EIF2AK3: variants seen among roughly 807,000 people sequenced by gnomAD.
EIF2AK3 encodes the protein eukaryotic translation initiation factor 2-alpha kinase 3.
Under a neutral mutation model 113.5 loss-of-function variants are expected in EIF2AK3, and 50 were observed. The observed-to-expected ratio is 0.44, with a 90% CI of 0.35 to 0.56. EIF2AK3 has a LOEUF of 0.56. Among genes scored for constraint, EIF2AK3 ranks in the 20% least tolerant of loss-of-function variants. EIF2AK3 has a pLI of 0.00. For missense variants in EIF2AK3, 1,185 were observed against 1,378.0 expected (o/e 0.86, Z 2.22); for synonymous variants, 448 against 495.4 (o/e 0.90, Z 1.27).
chr2:88,590,630 TTAAA>T, intron 5 of EIF2AK3, 25 bp from the exon 6 acceptor site: 1 of 1,610,276 alleles, frequency 6.2e-7, no homozygotes, highest in Non-Finnish European at 8.5e-7. Flanking sequence ...AAAAAAGGTC[TTAAA>T]TAATTCAAGC....
chr2:88,620,327 CTT>C (rs1005349329), intron 1 of EIF2AK3, among the ~76,000 whole-genome samples: 10 of 152,154 alleles, frequency 6.6e-5, no homozygotes, highest in African/African-American at 1.2e-4. Flanking sequence ...CAAAAGTTCT[CTT>C]GTCTATATTT....
chr2:88,625,154 T>C (rs1675827101), intron 1 of EIF2AK3, among the ~76,000 whole-genome samples: 1 of 152,178 alleles, frequency 6.6e-6, no homozygotes, highest in Non-Finnish European at 1.5e-5. Flanking sequence ...AGTTTTAACA[T>C]ACTCCCAAGT....
intron 13 of EIF2AK3, among the ~76,000 whole-genome samples, chr2:88,572,051 T>G (rs1475077031): frequency 2.6e-5 from 4 of 152,216 alleles, no homozygotes; most frequent in African/African-American, 7.2e-5. Flanking sequence ...TTTCATCATG[T>G]TTCAAATACT....
chr2:88,572,396 T>C (rs1674335642), intron 13 of EIF2AK3, among the ~76,000 whole-genome samples: 1 of 152,210 alleles, frequency 6.6e-6, no homozygotes, highest in African/African-American at 2.4e-5. Context: ...CCACGGTTAG[T>C]GTGGAAGGCA....
intron 6 of EIF2AK3, 24 bp from the exon 7 acceptor site, chr2:88,588,925 A>G (rs772296999): frequency 1.9e-6 from 3 of 1,611,152 alleles, no homozygotes; most frequent in East Asian, 2.2e-5. Context: ...AACATTGTCA[A>G]TTATGCATTG....
rs1675880900 is a variant in EIF2AK3, at chr2:88,627,004, C to T, written c.271G>A (p.Glu91Lys). The T allele has an allele frequency of 6.2e-7, 1 of 1,608,794 alleles. No homozygotes were observed. Among genetic ancestry groups the T allele is most frequent in the Non-Finnish European group, 8.5e-7 (1 of 1,178,988 alleles). Residue 91 changes from glutamate (E) to lysine (K), a missense_variant, in exon 1 of 17, where the codon GAA becomes AAA. By Grantham distance (56) the Glu-to-Lys change is moderately conservative. This residue lies in a region of EIF2AK3 where 189 missense variants were observed against 175.2 expected (regional missense o/e 1.08). Coordinates refer to ENST00000303236, the MANE Select transcript of EIF2AK3 (RefSeq NM_004836.7). ...CGCAACTCTGTCTCATCGTCTGGTT[C>T]CGGACCCCGAGGCTCCTGCTCTCCC... ...AAGEQEPRGP[E>K]PDDETELRPR...
chr2:88,583,829 T>C (rs540621649), intron 9 of EIF2AK3, among the ~76,000 whole-genome samples: 2 of 152,270 alleles, frequency 1.3e-5, no homozygotes, highest in Admixed American at 1.3e-4. Flanking sequence ...TGCACACATG[T>C]AAGCATAAAC....
At chr2:88,582,132 A>G (rs1423075230) in intron 10 of EIF2AK3, among the ~76,000 whole-genome samples, 1 of 152,122 alleles carries the variant, frequency 6.6e-6, no homozygotes, top group Non-Finnish European at 1.5e-5. Context: ...TGTCTAAGGG[A>G]GAGGAACACT....
At position 88,575,385 on chromosome 2, in the gene EIF2AK3, T is replaced by C. The variant is rs756493851; in HGVS notation, c.2098A>G (p.Met700Val). 1.2e-6 allele frequency: 2 copies of C among 1,613,548 alleles called. No homozygotes were observed. Among genetic ancestry groups the C allele is most frequent in the African/African-American group, 1.3e-5 (1 of 75,054 alleles). Residue 700 changes from methionine (M) to valine (V), a missense_variant, in exon 13 of 17, where the codon ATG (methionine) becomes GTG (valine). By Grantham distance (21) the Met-to-Val change is conservative. Transcript: ENST00000303236. ...MDAPSVKIRRMDPFATKEHIE... is the reference protein window; with the variant it reads ...MDAPSVKIRRVDPFATKEHIE... The stretch of plus-strand genomic sequence containing the variant: ...TGTTCTTTTGTAGCGAAAGGATCCA[T>C]TCTGCGTATTTTAACTGATGGTGCA...
At chr2:88,577,456 G>C (rs1299491631) in intron 11 of EIF2AK3, among the ~76,000 whole-genome samples, 1 of 150,482 alleles carries the variant, frequency 6.6e-6, no homozygotes, top group Non-Finnish European at 1.5e-5. Flanking sequence ...GGTGCTACAA[G>C]CTATCTTTTT....
At chr2:88,611,343 G>GC (rs1415594551) in intron 2 of EIF2AK3, among the ~76,000 whole-genome samples, 1 of 152,176 alleles carries the variant, frequency 6.6e-6, no homozygotes, top group Admixed American at 6.5e-5. Flanking sequence ...CACTGTGTAA[G>GC]CAGCATCGAG....
chr2:88,589,988 A>G (rs6713548), intron 6 of EIF2AK3, among the ~76,000 whole-genome samples: 21,326 of 152,192 alleles, frequency 0.14, 2,477 homozygotes, highest in African/African-American at 0.32. Flanking sequence ...CTGTAATCCC[A>G]GCACTTTGGG....
chr2:88,576,493 T>C, intron 12 of EIF2AK3, 61 bp downstream of exon 12: 3 of 1,605,926 alleles, frequency 1.9e-6, no homozygotes, highest in Non-Finnish European at 2.6e-6. Context: ...GTTATAAAAC[T>C]GACATTGTAA....
At chr2:88,593,509 A>C in intron 3 of EIF2AK3, 104 bp from the exon 4 acceptor site, 2 of 1,378,638 alleles carry the variant, frequency 1.5e-6, no homozygotes, top group Non-Finnish European at 2.0e-6. Context: ...AAGGAAACTA[A>C]GGAAATGTGT....
chr2:88,607,501 ACT>A (rs977121086), intron 2 of EIF2AK3, among the ~76,000 whole-genome samples: 3 of 152,138 alleles, frequency 2.0e-5, no homozygotes, highest in African/African-American at 7.2e-5. Context: ...ATGTATCCAC[ACT>A]CTTTTCAGGA....
chr2:88,617,794 C>T (rs1675624185), intron 1 of EIF2AK3, among the ~76,000 whole-genome samples: 2 of 151,854 alleles, frequency 1.3e-5, no homozygotes, highest in Admixed American at 1.3e-4. Flanking sequence ...GTACTATGCT[C>T]ACTACCTGGG....
At position 88,583,429 on chromosome 2, in the gene EIF2AK3, C is replaced by A. The variant is rs1674644035; in HGVS notation, c.1763+1G>T. 1.2e-6 allele frequency: 2 copies of A among 1,603,418 alleles called. No individual in the cohort carries two copies. Among genetic ancestry groups the A allele is most frequent in the Non-Finnish European group, 1.7e-6 (2 of 1,171,022 alleles). On this transcript the variant is annotated splice_donor_variant, in intron 10 of 16. Transcript: ENST00000303236. LOFTEE classifies it high-confidence loss of function. Reference sequence around the variant, plus strand: ...ATGGTTGTATTTTATAAGACTCTTACCGTGATATATATCCAGAGTTTTTTA... The same window carrying A: ...ATGGTTGTATTTTATAAGACTCTTAACGTGATATATATCCAGAGTTTTTTA...
chr2:88,557,457 C>G lies in EIF2AK3; in HGVS notation c.*279G>C, dbSNP rs1673809614. 2.1e-6 allele frequency: 1 copy of G among 479,318 alleles called. No homozygotes were observed. Among genetic ancestry groups the G allele is most frequent in the East Asian group, 4.1e-5 (1 of 24,340 alleles). 29.7% of individuals were successfully genotyped at this position (479,318 alleles called of 1,614,324 possible). On this transcript the variant is annotated 3_prime_UTR_variant, in exon 17 of 17. Coordinates refer to ENST00000303236, the MANE Select transcript of EIF2AK3 (RefSeq NM_004836.7). ...ATATATTAGGGATTGCTGCTACCTC[C>G]TTAGGCAAATGGTGAGGGCTATAAA... is the stretch of plus-strand genomic sequence containing the variant.
intron 2 of EIF2AK3, among the ~76,000 whole-genome samples, chr2:88,603,230 ACACTT>A (rs1675197022): frequency 6.6e-6 from 1 of 152,224 alleles, no homozygotes; most frequent in Admixed American, 6.5e-5. Flanking sequence ...ATAAAAACGA[ACACTT>A]CACTGTTTTA....
Sources: allele counts gnomAD v4.1 joint callset (sites outside exome capture counted in the v4.1 genomes callset), GRCh38; gene constraint gnomAD v4.1.1; regional missense constraint gnomAD v4.1.1; transcripts MANE v1.5; gene names NCBI Gene and HGNC (gene_info 2026-07-23, HGNC 2026-07-21).